The following GET4 variants were observed in gnomAD, a reference collection of about 807,000 sequenced individuals.
GET4 encodes the protein guided entry of tail-anchored proteins factor 4.
In GET4, 20 loss-of-function variants were observed where a neutral mutation model predicts 40.0. That is an observed-to-expected ratio of 0.50 (90% CI 0.35 to 0.73). The LOEUF (loss-of-function observed/expected upper bound fraction) is 0.73. Among genes scored for constraint, GET4 ranks in the 30% least tolerant of loss-of-function variants. The pLI, the probability that GET4 is intolerant of heterozygous loss-of-function variation, is 0.01. For missense variants in GET4, 557 were observed against 454.0 expected (o/e 1.23, Z -2.06); for synonymous variants, 280 against 194.6 (o/e 1.44, Z -3.65).
At chr7:893,071 TGCAGGCGA>T (rs1844368424) in intron 6 of GET4, among the ~76,000 whole-genome samples, 1 of 144,550 alleles carries the variant, frequency 6.9e-6, no homozygotes, top group Non-Finnish European at 1.5e-5. Context: ...TGGTGGTGTG[TGCAGGCGA>T]GTGTTGGGTG....
chr7:886,112 T>A lies in GET4; in HGVS notation c.212T>A (p.Leu71Gln). Residue 71 changes from leucine to glutamine, a missense_variant, in exon 2 of 9, where the codon CTG becomes CAG. Transcript: ENST00000265857. ...EARELMYSGA[L>Q]LFFSHGQQNS... ...CGGGAGCTCATGTACTCGGGAGCCC[T>A]GCTCTTCTTCAGCCATGGCCAGGTA... is the stretch of plus-strand genomic sequence containing the variant. 6.2e-7 allele frequency: 1 copy of A among 1,608,446 alleles called. No individual in the cohort carries two copies. The highest frequency in any genetic ancestry group is 8.5e-7 in the Non-Finnish European group (1 of 1,175,724).
In GET4 at chr7:895,486, T is replaced by G. The variant is rs1844460323; in HGVS notation, c.*64T>G. On this transcript the variant is annotated 3_prime_UTR_variant, in exon 9 of 9. Coordinates refer to ENST00000265857, the MANE Select transcript of GET4 (RefSeq NM_015949.3). ...GCTGGAGGGACGTTTCAGAGGCGAGTCCTGGGTGGCTCCTCGCCTTGGGGG... is the reference window on the plus strand; with the variant it reads ...GCTGGAGGGACGTTTCAGAGGCGAGGCCTGGGTGGCTCCTCGCCTTGGGGG... 9.4e-5 allele frequency: 79 copies of G among 842,418 alleles called. 2 individuals are homozygous for G. In the South Asian group the frequency reaches 1.2e-3, roughly 12 times the overall value. 52.2% of individuals were successfully genotyped at this position (842,418 alleles called of 1,614,324 possible). A position where few individuals can be genotyped will look rare whatever the true frequency, so the allele number is the denominator to read the frequency against.
At chr7:878,046 G>A (rs1412323742) in intron 1 of GET4, 1 of 272,632 alleles carries the variant, frequency 3.7e-6, no homozygotes, top group Admixed American at 4.2e-5. Flanking sequence ...CTCTCACCGA[G>A]GGTCCAGGCT....
In GET4 at chr7:883,400, C is replaced by G. The variant is rs970218093; in HGVS notation, c.156-2656C>G. Reference sequence around the variant, plus strand: ...AAGGGCGGGATTCGCCCCATGAGCTCGGTCTTTCTTCATTTGACACCGACA... The same window carrying G: ...AAGGGCGGGATTCGCCCCATGAGCTGGGTCTTTCTTCATTTGACACCGACA... On this transcript the variant is annotated intron_variant, in intron 1 of 8. Transcript: ENST00000265857. The G allele has an allele frequency of 7.2e-6, 4 of 552,808 alleles. No homozygotes were observed. In the South Asian group the frequency reaches 2.3e-4, roughly 32 times the overall value. 34.2% of individuals were successfully genotyped at this position (552,808 alleles called of 1,614,324 possible).
chr7:893,044 A>G, intron 6 of GET4, among the ~76,000 whole-genome samples: 1 of 97,222 alleles, frequency 1.0e-5, no homozygotes, highest in Non-Finnish European at 2.1e-5. Context: ...TGTGCAGGTG[A>G]GTGTTGGGTG....
intron 1 of GET4, chr7:880,429 C>T (rs540900222): frequency 6.6e-6 from 1 of 152,386 alleles, no homozygotes; most frequent in Non-Finnish European, 1.5e-5. Flanking sequence ...TGAGCCACTT[C>T]TACGGTGACG....
intron 1 of GET4, chr7:884,196 G>T: frequency 7.7e-7 from 1 of 1,302,684 alleles, no homozygotes; most frequent in East Asian, 5.6e-5. Flanking sequence ...CTTGCTCAGG[G>T]TCGGTGCATG....
chr7:888,584 G>A (rs754107258), intron 4 of GET4, among the ~76,000 whole-genome samples: 7 of 152,246 alleles, frequency 4.6e-5, no homozygotes, highest in Admixed American at 2.6e-4. Context: ...GCCGAGTGGC[G>A]GGGCACCCAC....
At position 895,337 on chromosome 7, in the gene GET4, A is replaced by G. The variant is rs1186767098; in HGVS notation, c.899A>G (p.Asn300Ser). ...QTSSYGGLLGNLLTSLMGSSE... is the reference protein window; with the variant it reads ...QTSSYGGLLGSLLTSLMGSSE... The stretch of plus-strand genomic sequence containing the variant: ...GCCACGGTGTTCTTCTTTCCAGGGA[A>G]CCTTCTGACCAGCCTCATGGGCTCC... The change falls in exon 9 of 9, where the codon AAC becomes AGC. Residue 300 changes from asparagine to serine, a missense_variant. Transcript: ENST00000265857. The G allele has an allele frequency of 6.5e-7, 1 of 1,539,036 alleles. No individual in the cohort carries two copies.
intron 1 of GET4, chr7:878,173 GC>G (rs1252654432): frequency 4.5e-6 from 2 of 442,166 alleles, no homozygotes; most frequent in African/African-American, 4.0e-5. Flanking sequence ...GCGAGCGCGA[GC>G]AGAGCTGGCT....
At chr7:885,673 C>T (rs542922024) in intron 1 of GET4, 75 of 183,358 alleles carry the variant, frequency 4.1e-4, no homozygotes, top group African/African-American at 1.6e-3. Flanking sequence ...CATCCTTTGG[C>T]TCCTGCCTGT....
At chr7:883,204 C>G (rs992574813) in intron 1 of GET4, 1 of 152,262 alleles carries the variant, frequency 6.6e-6, no homozygotes, top group Non-Finnish European at 1.5e-5. Context: ...GCCAGCCCTG[C>G]GTCCGGGCGT....
chr7:888,636 G>A (rs1413828934), intron 4 of GET4, among the ~76,000 whole-genome samples: 1 of 152,230 alleles, frequency 6.6e-6, no homozygotes, highest in Non-Finnish European at 1.5e-5. Context: ...CAGTCTCCCC[G>A]TGGTCGCCTC....
chr7:876,981 G>C (rs948271646), intron 1 of GET4, among the ~76,000 whole-genome samples, 181 bp downstream of exon 1: 9 of 151,704 alleles, frequency 5.9e-5, no homozygotes, highest in Non-Finnish European at 1.2e-4. Context: ...GTCTGGCCCT[G>C]TGTGGCCCGG....
intron 1 of GET4, chr7:881,826 CTCCCTCT>C (rs1385445718): frequency 2.6e-5 from 4 of 152,204 alleles, no homozygotes; most frequent in Admixed American, 1.3e-4. Flanking sequence ...TTCTGAGCCT[CTCCCTCT>C]TCCCTCAGGC....
At chr7:887,292 T>C in intron 3 of GET4, 78 bp from the exon 4 acceptor site, 1 of 1,418,804 alleles carries the variant, frequency 7.0e-7, no homozygotes, top group Non-Finnish European at 9.9e-7. Context: ...CGAATGGAAA[T>C]CCACTTCTGT....
rs922680961 is a variant in GET4 at position 876,585 on chromosome 7, G to A, written c.-61G>A. 1.6e-5 allele frequency: 18 copies of A among 1,148,540 alleles called. No homozygotes were observed. The highest frequency in any genetic ancestry group is 3.6e-4 in the Middle Eastern group (1 of 2,780). 71.1% of individuals were successfully genotyped at this position (1,148,540 alleles called of 1,614,324 possible). ...GCGTCGGGCGGCCGTCGGGACGGAA[G>A]CCGGGAGGCGCTGCCGACCGCGCCT... On this transcript the variant is annotated 5_prime_UTR_variant, in exon 1 of 9. Coordinates refer to ENST00000265857, the MANE Select transcript of GET4 (RefSeq NM_015949.3).
At chr7:878,916 G>A (rs1041716284) in intron 1 of GET4, among the ~76,000 whole-genome samples, 8 of 152,084 alleles carry the variant, frequency 5.3e-5, no homozygotes, top group Admixed American at 4.6e-4. Flanking sequence ...TTGGTTTATA[G>A]CAAAATGGAG....
intron 1 of GET4, chr7:880,458 G>C (rs11769722): frequency 1.3e-5 from 2 of 152,260 alleles, no homozygotes; most frequent in African/African-American, 4.8e-5. Context: ...GTCAGTTTTG[G>C]TTTTCAGTGA....
Sources: gnomAD v4.1 joint callset for allele counts (sites outside exome capture counted in the v4.1 genomes callset) on GRCh38, gnomAD v4.1.1 for gene constraint, MANE v1.5 for transcripts, NCBI Gene and HGNC (gene_info 2026-07-23, HGNC 2026-07-21) for gene names.